Variants in ZNF227 observed in about 807,000 individuals in gnomAD.
The protein encoded by ZNF227 is zinc finger protein 227.
A neutral mutation model predicts 13.2 loss-of-function variants in ZNF227; 12 were observed. The observed-to-expected ratio is 0.91, with a 90% confidence interval of 0.58 to 1.47. The LOEUF (loss-of-function observed/expected upper bound fraction) is 1.47. ZNF227 is among the 40% of genes most tolerant of loss of function. ZNF227 has a pLI of 0.00. For synonymous variants in ZNF227, 338 were observed against 326.0 expected, an observed-to-expected ratio of 1.04 and a Z score of -0.40; for missense variants, 885 against 967.5, an observed-to-expected ratio of 0.91 and a Z score of 1.13.
intron 3 of ZNF227, among the ~76,000 whole-genome samples, chr19:44,220,156 A>G (rs1383573483): frequency 2.0e-5 from 3 of 152,186 alleles, no homozygotes; most frequent in African/African-American, 7.2e-5. Context: ...TATATGTGCC[A>G]CATTTTCTTA....
At chr19:44,226,195 G>A (rs1425368316) in intron 3 of ZNF227, among the ~76,000 whole-genome samples, 1 of 152,290 alleles carries the variant, frequency 6.6e-6, no homozygotes, top group South Asian at 2.1e-4. Context: ...GCCCCTACTG[G>A]GGGGGTGTCT....
chr19:44,225,494 G>T (rs189863687), intron 3 of ZNF227, among the ~76,000 whole-genome samples: 5,557 of 151,842 alleles, frequency 0.037, 339 homozygotes, highest in African/African-American at 0.13. Context: ...CTGAACTTCC[G>T]TTCTCGCTTC....
chr19:44,236,795 T>C lies in ZNF227; in HGVS notation c.2365T>C (p.Tyr789His), dbSNP rs766318787. 29 of 1,596,548 alleles carry C rather than the reference T, an allele frequency of 1.8e-5. No individual in the cohort carries two copies. The highest frequency in any genetic ancestry group is 2.3e-5 in the Non-Finnish European group (27 of 1,171,862). ...KDFRHRSRLT[Y>H]HQKVHTGKKL ...CTTCCGTCACCGTTCACGTCTTACATATCATCAGAAAGTCCATACTGGTAA... is the reference window on the plus strand; with the variant it reads ...CTTCCGTCACCGTTCACGTCTTACACATCATCAGAAAGTCCATACTGGTAA... Residue 789 changes from tyrosine to histidine, a missense_variant, in exon 6 of 6, where the codon TAT (tyrosine) becomes CAT (histidine). Tyr to His is a moderately conservative substitution (Grantham distance 83, BLOSUM62 2). Transcript: ENST00000313040.
Position 44,236,846 on chromosome 19 carries a change from T to C in ZNF227, c.*16T>C. The C allele has an allele frequency of 6.5e-7, 1 of 1,539,082 alleles. No homozygotes were observed. The highest frequency in any genetic ancestry group is 8.7e-7 in the Non-Finnish European group (1 of 1,145,232). ...AAAGCTTTAGAAATGAGAAATGTGT[T>C]ACCAACTTTTGTCTGAATGCACATC... On this transcript the variant is annotated 3_prime_UTR_variant, in exon 6 of 6. Coordinates refer to ENST00000313040, the MANE Select transcript of ZNF227 (RefSeq NM_182490.3).
chr19:44,234,241 T>C (rs1481965747), intron 5 of ZNF227, among the ~76,000 whole-genome samples: 1 of 152,224 alleles, frequency 6.6e-6, no homozygotes, highest in Non-Finnish European at 1.5e-5. Context: ...CCCAAATCTG[T>C]TGGAGAATAA....
chr19:44,228,874 G>A (rs889939368), intron 4 of ZNF227: 8 of 408,616 alleles, frequency 2.0e-5, no homozygotes, highest in African/African-American at 1.4e-4. Flanking sequence ...TAGTATCCAG[G>A]AATTCTGCAA....
rs757661352 is a variant in ZNF227, at chr19:44,217,785, C to A, written c.-2-6C>A. On this transcript the variant is annotated splice_polypyrimidine_tract_variant and splice_region_variant and intron_variant, in intron 2 of 5. Transcript: ENST00000313040. ...TGTGTCTCATGGCGTCTTTGGTCTCCCCCAGTTATGCCATCTCAGAACTAT... is the reference window on the plus strand; with the variant it reads ...TGTGTCTCATGGCGTCTTTGGTCTCACCCAGTTATGCCATCTCAGAACTAT... 1.4e-5 allele frequency: 22 copies of A among 1,614,188 alleles called. No individual in the cohort carries two copies. The highest frequency in any genetic ancestry group is 1.4e-5 in the Non-Finnish European group (17 of 1,180,032).
intron 5 of ZNF227, among the ~76,000 whole-genome samples, chr19:44,232,359 G>T (rs891212648): frequency 6.6e-6 from 1 of 152,098 alleles, no homozygotes; most frequent in Admixed American, 6.5e-5. Context: ...TTTATATATC[G>T]CTCTAAGTTT....
In ZNF227 at chr19:44,214,373, TC is replaced by T. The variant is rs201412521; in HGVS notation, c.-3+1130del. On this transcript the variant is annotated intron_variant, in intron 2 of 5. Coordinates refer to ENST00000313040, the MANE Select transcript of ZNF227 (RefSeq NM_182490.3). ...TTCTTATTATGAAAATTTTCTTTTT[TC>T]TTTTTTTTTCTTTTTTTTTGTGAGA... Among the ~76,000 whole-genome samples the T allele has an allele frequency of 1.7e-3, 254 of 151,434 alleles. 1 individual carries two copies. The highest frequency in any genetic ancestry group is 0.01 in the Middle Eastern group (3 of 294).
Position 44,236,039 on chromosome 19 carries a change from A to G in ZNF227, c.1609A>G (p.Thr537Ala), listed in dbSNP as rs761725534. The G allele has an allele frequency of 7.5e-6, 12 of 1,610,736 alleles. No individual in the cohort carries two copies. Among genetic ancestry groups the G allele is most frequent in the Admixed American group, 1.7e-5 (1 of 59,684 alleles). ...KGFSQSSKLQ[T>A]HQRVHTGEKP... ...CTTCAGTCAGTCCTCAAAGCTTCAA[A>G]CCCATCAGCGAGTCCACACTGGAGA... Residue 537 changes from threonine to alanine, a missense_variant, in exon 6 of 6, where the codon ACC becomes GCC. Coordinates refer to ENST00000313040, the MANE Select transcript of ZNF227 (RefSeq NM_182490.3).
rs147037501 is a variant in ZNF227, at chr19:44,229,786, C to T, written c.241C>T (p.Leu81Phe). Residue 81 changes from leucine (L) to phenylalanine (F), a missense_variant, in exon 5 of 6, where the codon CTT (leucine) becomes TTT (phenylalanine). Physicochemically the swap from Leu to Phe is conservative, Grantham distance 22. Coordinates refer to ENST00000313040, the MANE Select transcript of ZNF227 (RefSeq NM_182490.3). ...MVSQLEAEEK[L>F]WMMETETQRS... ...ATCCCAATTGGAAGCAGAAGAAAAGCTTTGGATGATGGAAACAGAAACCCA... is the reference window on the plus strand; with the variant it reads ...ATCCCAATTGGAAGCAGAAGAAAAGTTTTGGATGATGGAAACAGAAACCCA... 1.3e-6 allele frequency: 2 copies of T among 1,586,374 alleles called. No individual in the cohort carries two copies. Among genetic ancestry groups the T allele is most frequent in the African/African-American group, 2.7e-5 (2 of 74,496 alleles).
chr19:44,207,934 GA>G (rs1971248594), upstream of ZNF227: 1 of 152,198 alleles, frequency 6.6e-6, no homozygotes, highest in African/African-American at 2.4e-5. Flanking sequence ...TCCTGAAGTA[GA>G]GTCATTAGTA....
upstream of ZNF227, among the ~76,000 whole-genome samples, chr19:44,208,223 C>A (rs962437468): frequency 2.0e-5 from 3 of 152,196 alleles, no homozygotes; most frequent in Non-Finnish European, 4.4e-5. Flanking sequence ...TACATCAGTT[C>A]TCAAGATTAA....
rs145739515 is a variant in ZNF227 at position 44,236,691 on chromosome 19, G to A, written c.2261G>A (p.Ser754Asn). The change falls in exon 6 of 6, where the codon AGT becomes AAT. Residue 754 changes from serine to asparagine, a missense_variant. Ser to Asn is a conservative substitution (Grantham distance 46). Transcript: ENST00000313040. Reference protein sequence around the residue: ...FKCEECGKGFSQSARLEAHQR... With the variant: ...FKCEECGKGFNQSARLEAHQR... ...TGTGAAGAGTGTGGTAAAGGCTTCA[G>A]TCAGAGTGCACGTCTTGAAGCCCAT... The A allele has an allele frequency of 3.3e-5, 54 of 1,613,998 alleles. No homozygotes were observed. In the African/African-American group the frequency reaches 6.9e-4, roughly 21 times the overall value.
chr19:44,226,749 G>T (rs1973207951), intron 3 of ZNF227, among the ~76,000 whole-genome samples: 1 of 152,160 alleles, frequency 6.6e-6, no homozygotes, highest in African/African-American at 2.4e-5. Context: ...GCCTCACCCT[G>T]CTTTGGCTCA....
At chr19:44,208,244 A>G (rs1971256990), upstream of ZNF227, among the ~76,000 whole-genome samples, 1 of 152,230 alleles carries the variant, frequency 6.6e-6, no homozygotes. Flanking sequence ...TGATTTTTCA[A>G]TAAGAGGACT....
intron 2 of ZNF227, among the ~76,000 whole-genome samples, chr19:44,217,222 C>T (rs1027296975): frequency 6.6e-6 from 1 of 151,966 alleles, no homozygotes; most frequent in African/African-American, 2.4e-5. Flanking sequence ...CCTTGGCCTC[C>T]TAAAGTGCTG....
At chr19:44,222,956 G>A (rs1337576318) in intron 3 of ZNF227, among the ~76,000 whole-genome samples, 1 of 151,674 alleles carries the variant, frequency 6.6e-6, no homozygotes, top group Non-Finnish European at 1.5e-5. Context: ...CTAATTTATT[G>A]AGAGTTTTTA....
chr19:44,208,581 C>T (rs578066427), upstream of ZNF227, among the ~76,000 whole-genome samples: 37 of 152,236 alleles, frequency 2.4e-4, no homozygotes, highest in Middle Eastern at 6.8e-3. Context: ...GATTCAGAAG[C>T]ACTAGGTTTC....
Sources: allele counts gnomAD v4.1 joint callset (sites outside exome capture counted in the v4.1 genomes callset), GRCh38; gene constraint gnomAD v4.1.1; transcripts MANE v1.5; gene names NCBI Gene and HGNC (gene_info 2026-07-23, HGNC 2026-07-21).